CNTN4: variants seen among roughly 807,000 people sequenced by gnomAD.
CNTN4 encodes contactin 4.
CNTN4 carries 77 observed loss-of-function variants against 122.5 expected under a neutral mutation model. The ratio of observed to expected loss-of-function variants is 0.63; its 90% CI spans 0.52 to 0.76. The LOEUF (loss-of-function observed/expected upper bound fraction) is 0.76, where lower values mean the gene tolerates loss of function less well. Among genes scored for constraint, CNTN4 ranks in the 30% least tolerant of loss-of-function variants. The pLI is 0.00. For synonymous variants in CNTN4, 512 were observed against 447.0 expected, an observed-to-expected ratio of 1.15 and a Z score of -1.83; for missense variants, 1,256 against 1,259.1, an observed-to-expected ratio of 1.00 and a Z score of 0.04.
At chr3:2,838,292 A>T (rs1340670059) in intron 7 of CNTN4, among the ~76,000 whole-genome samples, 1 of 152,198 alleles carries the variant, frequency 6.6e-6, no homozygotes. Flanking sequence ...TTAATCCTCC[A>T]TAATCCTAGC....
chr3:2,775,284 C>G lies in CNTN4; in HGVS notation c.358+29587C>G, dbSNP rs146938352. 4.9e-4 allele frequency among the ~76,000 whole-genome samples: 74 copies of G among 152,278 alleles called. 1 individual carries two copies. Among genetic ancestry groups the G allele is most frequent in the African/African-American group, 1.7e-3 (72 of 41,548 alleles). Reference sequence around the variant, plus strand: ...TTATGAATCTGTTTTCAAGCCTCATCTCTTCTCCTCCCGTGTTCTCCCACC... The same window carrying G: ...TTATGAATCTGTTTTCAAGCCTCATGTCTTCTCCTCCCGTGTTCTCCCACC... On this transcript the variant is annotated intron_variant, in intron 6 of 24. Transcript: ENST00000418658.
chr3:2,319,683 A>G lies in CNTN4; in HGVS notation c.-144-19495A>G, dbSNP rs987840158. 3.3e-5 allele frequency among the ~76,000 whole-genome samples: 5 copies of G among 152,342 alleles called. No individual in the cohort carries two copies. In the South Asian group the frequency reaches 8.3e-4, roughly 25 times the overall value. ...GAATAATGCATATAAGATACAAAAT[A>G]TGTGTTGACTGTTTATGTTATCGGT... On this transcript the variant is annotated intron_variant, in intron 2 of 24. Coordinates refer to ENST00000418658, the MANE Select transcript of CNTN4 (RefSeq NM_175607.3).
At chr3:2,370,655 G>T (rs1159465619) in intron 3 of CNTN4, among the ~76,000 whole-genome samples, 1 of 152,160 alleles carries the variant, frequency 6.6e-6, no homozygotes, top group African/African-American at 2.4e-5. Context: ...TCTAAATATG[G>T]TGCTAATTTC....
chr3:2,792,450 G>A (rs2092040974), intron 6 of CNTN4, among the ~76,000 whole-genome samples: 1 of 152,178 alleles, frequency 6.6e-6, no homozygotes, highest in Non-Finnish European at 1.5e-5. Flanking sequence ...TTAGTTTTGA[G>A]TGAGATGTTT....
At chr3:2,706,197 G>T (rs2086725563) in intron 4 of CNTN4, among the ~76,000 whole-genome samples, 1 of 151,578 alleles carries the variant, frequency 6.6e-6, no homozygotes, top group Non-Finnish European at 1.5e-5. Flanking sequence ...AAAACCCAGT[G>T]ACATAATGCA....
intron 6 of CNTN4, among the ~76,000 whole-genome samples, chr3:2,783,715 A>G (rs2091698664): frequency 1.3e-5 from 2 of 152,234 alleles, no homozygotes; most frequent in African/African-American, 4.8e-5. Context: ...ATGTTATAAA[A>G]CAGCATTTGA....
At chr3:2,542,345 T>G (rs2078066731) in intron 3 of CNTN4, among the ~76,000 whole-genome samples, 1 of 152,174 alleles carries the variant, frequency 6.6e-6, no homozygotes, top group East Asian at 1.9e-4. Context: ...GGACTCAGGT[T>G]GAAAGGTTTG....
intron 3 of CNTN4, among the ~76,000 whole-genome samples, chr3:2,559,703 T>A (rs2078868085): frequency 6.6e-6 from 1 of 152,228 alleles, no homozygotes; most frequent in Non-Finnish European, 1.5e-5. Context: ...AGAAGGCTTC[T>A]GGAAAATGAT....
rs1364900488 is a variant in CNTN4 at position 2,668,218 on chromosome 3, C to G, written c.56-67997C>G. Among the ~76,000 whole-genome samples the G allele has an allele frequency of 2.6e-5, 4 of 152,132 alleles. No homozygotes were observed. The South Asian group carries it at 6.2e-4, about 24-fold the overall frequency. On this transcript the variant is annotated intron_variant, in intron 4 of 24. Coordinates refer to ENST00000418658, the MANE Select transcript of CNTN4 (RefSeq NM_175607.3). ...TTTTCACAATATTGATTCTTCCTACCCTGGAGCATGGAATGTTCTTCCATT... is the reference window on the plus strand; with the variant it reads ...TTTTCACAATATTGATTCTTCCTACGCTGGAGCATGGAATGTTCTTCCATT...
intron 2 of CNTN4, among the ~76,000 whole-genome samples, chr3:2,251,899 A>G (rs2040394869): frequency 1.3e-5 from 2 of 151,866 alleles, no homozygotes; most frequent in Non-Finnish European, 1.5e-5. Flanking sequence ...TGTCTAGTTG[A>G]TGTGTTTATT....
intron 2 of CNTN4, among the ~76,000 whole-genome samples, chr3:2,332,154 T>C (rs760383347): frequency 6.6e-6 from 1 of 152,172 alleles, no homozygotes; most frequent in East Asian, 1.9e-4. Flanking sequence ...TGGAAAACTT[T>C]AGATTTCAGG....
At chr3:2,511,412 C>T (rs565601062) in intron 3 of CNTN4, 1 of 152,224 alleles carries the variant, frequency 6.6e-6, no homozygotes, top group African/African-American at 2.4e-5. Context: ...GTCTTTGATT[C>T]GTGTGCTAAT....
At chr3:2,292,198 A>C (rs925172686) in intron 2 of CNTN4, among the ~76,000 whole-genome samples, 3 of 152,182 alleles carry the variant, frequency 2.0e-5, no homozygotes, top group Admixed American at 1.3e-4. Context: ...TTTTGGCAAC[A>C]GATTATTTTT....
intron 3 of CNTN4, among the ~76,000 whole-genome samples, chr3:2,489,655 C>G (rs1478609105): frequency 6.6e-6 from 1 of 152,198 alleles, no homozygotes; most frequent in East Asian, 1.9e-4. Flanking sequence ...ATACCAGTAT[C>G]TGTCACTCAT....
intron 3 of CNTN4, among the ~76,000 whole-genome samples, chr3:2,427,743 A>C (rs572089467): frequency 2.0e-5 from 3 of 151,892 alleles, no homozygotes; most frequent in Non-Finnish European, 4.4e-5. Flanking sequence ...TTGCTTTATG[A>C]ATCTGGGTGC....
rs145780826 is a variant in CNTN4 at position 2,746,694 on chromosome 3, T to C, written c.358+997T>C. Among the ~76,000 whole-genome samples the C allele has an allele frequency of 2.6e-4, 40 of 152,352 alleles. No homozygotes were observed. The East Asian group carries it at 7.5e-3, about 29-fold the overall frequency. The stretch of plus-strand genomic sequence containing the variant: ...GGAACTCAACATCCAATATACCTAA[T>C]ATCCAGTTCCTAATCTATTAATGCC... On this transcript the variant is annotated intron_variant, in intron 6 of 24. Transcript: ENST00000418658.
At chr3:2,644,245 A>C (rs2083020226) in intron 4 of CNTN4, among the ~76,000 whole-genome samples, 1 of 152,174 alleles carries the variant, frequency 6.6e-6, no homozygotes, top group African/African-American at 2.4e-5. Flanking sequence ...TGCTCTCAAT[A>C]ATAGTACCAA....
chr3:2,538,065 A>G (rs1386240741), intron 3 of CNTN4, among the ~76,000 whole-genome samples: 2 of 152,026 alleles, frequency 1.3e-5, no homozygotes, highest in Non-Finnish European at 2.9e-5. Context: ...AGGTGATATC[A>G]TATAGAAGTA....
At chr3:2,546,978 A>T (rs983829594) in intron 3 of CNTN4, among the ~76,000 whole-genome samples, 9 of 152,140 alleles carry the variant, frequency 5.9e-5, no homozygotes, top group African/African-American at 2.2e-4. Flanking sequence ...TACTTGAGAG[A>T]TCCCACGTAA....
Sources: gnomAD v4.1 joint callset for allele counts (sites outside exome capture counted in the v4.1 genomes callset) on GRCh38, gnomAD v4.1.1 for gene constraint, MANE v1.5 for transcripts, NCBI Gene and HGNC (gene_info 2026-07-23, HGNC 2026-07-21) for gene names.